Variants in SGCZ observed in about 807,000 individuals in gnomAD.
SGCZ encodes the protein sarcoglycan zeta.
A neutral mutation model predicts 41.3 loss-of-function variants in SGCZ; 40 were observed. The ratio of observed to expected loss-of-function variants is 0.97; its 90% confidence interval spans 0.75 to 1.26. The LOEUF (loss-of-function observed/expected upper bound fraction) is 1.26. Ranked by LOEUF, SGCZ falls within the 50% of genes most tolerant of loss-of-function variation. SGCZ has a pLI of 0.00. For missense variants in SGCZ, 552 were observed against 369.8 expected, an observed-to-expected ratio of 1.49 and a Z score of -4.04; for synonymous variants, 206 against 137.5, an observed-to-expected ratio of 1.50 and a Z score of -3.49.
chr8:14,298,299 G>A (rs1329750389), intron 3 of SGCZ, among the ~76,000 whole-genome samples: 1 of 151,782 alleles, frequency 6.6e-6, no homozygotes, highest in African/African-American at 2.4e-5. Flanking sequence ...TTGGAAATAA[G>A]ATAAAGATAT....
chr8:14,532,573 A>T (rs977738736), intron 2 of SGCZ, among the ~76,000 whole-genome samples: 1 of 152,040 alleles, frequency 6.6e-6, no homozygotes, highest in Non-Finnish European at 1.5e-5. Context: ...CAAGTGGAAT[A>T]GCATTCCCTT....
intron 1 of SGCZ, among the ~76,000 whole-genome samples, chr8:14,900,697 C>G (rs1162936060): frequency 2.6e-5 from 4 of 152,158 alleles, no homozygotes; most frequent in African/African-American, 2.4e-5. Flanking sequence ...TGAATATCCT[C>G]TCATTTGCAG....
At chr8:15,138,483 G>C (rs1808199370) in intron 1 of SGCZ, among the ~76,000 whole-genome samples, 2 of 152,062 alleles carry the variant, frequency 1.3e-5, no homozygotes, top group Non-Finnish European at 2.9e-5. Flanking sequence ...ATCTTGAATT[G>C]TAGCTCCCAT....
chr8:15,191,929 C>G (rs929390235), intron 1 of SGCZ, among the ~76,000 whole-genome samples: 1 of 152,018 alleles, frequency 6.6e-6, no homozygotes. Flanking sequence ...TGAGATTTAG[C>G]TCTCATTATA....
Position 15,237,647 on chromosome 8 carries a change from G to A in SGCZ, c.-24C>T, listed in dbSNP as rs1336611794. 1 of 1,576,314 alleles carries A rather than the reference G, an allele frequency of 6.3e-7. No individual in the cohort carries two copies. Among genetic ancestry groups the A allele is most frequent in the Non-Finnish European group, 8.6e-7 (1 of 1,158,796 alleles). On this transcript the variant is annotated 5_prime_UTR_variant, in exon 1 of 8. Transcript: ENST00000382080. ...ATGGAGCGCAACTAAACGAAGTGGAGAGGAACCGGGCGAGTGGCACCCAAA... is the reference window on the plus strand; with the variant it reads ...ATGGAGCGCAACTAAACGAAGTGGAAAGGAACCGGGCGAGTGGCACCCAAA...
chr8:14,141,177 T>C (rs900227164), intron 5 of SGCZ, among the ~76,000 whole-genome samples: 1 of 152,156 alleles, frequency 6.6e-6, no homozygotes, highest in Admixed American at 6.5e-5. Flanking sequence ...TAATTCAAGA[T>C]GGATTAAAGA....
intron 7 of SGCZ, among the ~76,000 whole-genome samples, chr8:14,100,991 C>T (rs1481349649): frequency 1.3e-5 from 2 of 151,950 alleles, no homozygotes; most frequent in East Asian, 3.9e-4. Context: ...AACAGATTTA[C>T]ACTGTCAAGA....
chr8:14,450,760 T>C (rs1449912265), intron 2 of SGCZ, among the ~76,000 whole-genome samples: 3 of 152,280 alleles, frequency 2.0e-5, no homozygotes, highest in Non-Finnish European at 2.9e-5. Context: ...TTCTGTGCCA[T>C]TGCTACAGGG....
rs1253058746 is a variant in SGCZ, at chr8:14,103,934, A to AT, written c.621-1436dup. Among the ~76,000 whole-genome samples the AT allele has an allele frequency of 2.6e-5, 4 of 152,218 alleles. No homozygotes were observed. The East Asian group carries it at 7.7e-4, about 29-fold the overall frequency. The stretch of plus-strand genomic sequence containing the variant: ...TGTTAAAATGTATTTTTTATCACTG[A>AT]TTTTCCCTGATACACAACCCTTCTA... On this transcript the variant is annotated intron_variant, in intron 6 of 7. Transcript: ENST00000382080.
intron 1 of SGCZ, among the ~76,000 whole-genome samples, chr8:14,939,279 T>A (rs1449151906): frequency 6.6e-6 from 1 of 152,150 alleles, no homozygotes; most frequent in Non-Finnish European, 1.5e-5. Flanking sequence ...CTAAAGACAC[T>A]CTGTGTCTCC....
chr8:15,202,710 T>C (rs1800928260), intron 1 of SGCZ, among the ~76,000 whole-genome samples: 1 of 152,124 alleles, frequency 6.6e-6, no homozygotes, highest in Non-Finnish European at 1.5e-5. Flanking sequence ...AAGTCAGACA[T>C]TTTACATATA....
chr8:15,170,969 T>C (rs992815032), intron 1 of SGCZ, among the ~76,000 whole-genome samples: 1 of 152,228 alleles, frequency 6.6e-6, no homozygotes, highest in Non-Finnish European at 1.5e-5. Flanking sequence ...GTGTGTATTC[T>C]AACATTCTAA....
chr8:15,210,817 A>G (rs1309317732), intron 1 of SGCZ, among the ~76,000 whole-genome samples: 3 of 152,008 alleles, frequency 2.0e-5, no homozygotes, highest in African/African-American at 2.4e-5. Context: ...GCAATCTCCT[A>G]TTGGCCGTTT....
chr8:14,391,181 A>C (rs1261774268), intron 2 of SGCZ, among the ~76,000 whole-genome samples: 1 of 152,164 alleles, frequency 6.6e-6, no homozygotes, highest in Non-Finnish European at 1.5e-5. Flanking sequence ...AGGTTTGAGA[A>C]TGGAAAAAGT....
At chr8:14,731,181 T>C (rs966734289) in intron 1 of SGCZ, among the ~76,000 whole-genome samples, 15 of 151,750 alleles carry the variant, frequency 9.9e-5, no homozygotes, top group Non-Finnish European at 2.2e-4. Context: ...GTGGCACATA[T>C]ACACCATGGA....
intron 1 of SGCZ, among the ~76,000 whole-genome samples, chr8:14,688,288 G>T (rs1449927545): frequency 1.3e-5 from 2 of 152,128 alleles, no homozygotes; most frequent in Admixed American, 6.6e-5. Flanking sequence ...GTCCTGAATG[G>T]TAATGCCTAG....
chr8:15,156,389 G>C (rs992293721), intron 1 of SGCZ, among the ~76,000 whole-genome samples: 2 of 152,146 alleles, frequency 1.3e-5, no homozygotes, highest in Non-Finnish European at 2.9e-5. Context: ...CTTATCACCT[G>C]TCCTAAGAGA....
chr8:14,721,900 T>C (rs1046278643), intron 1 of SGCZ, among the ~76,000 whole-genome samples: 3 of 152,176 alleles, frequency 2.0e-5, no homozygotes, highest in Non-Finnish European at 4.4e-5. Context: ...CTGTCCTCTA[T>C]GTCCTGTTCC....
chr8:14,343,595 A>G (rs554643536), intron 2 of SGCZ, among the ~76,000 whole-genome samples: 2 of 152,344 alleles, frequency 1.3e-5, no homozygotes, highest in East Asian at 3.9e-4. Context: ...CAGAACAAAA[A>G]TTAAATACTA....
Sources: allele counts gnomAD v4.1 joint callset (sites outside exome capture counted in the v4.1 genomes callset), GRCh38; gene constraint gnomAD v4.1.1; transcripts MANE v1.5; gene names NCBI Gene and HGNC (gene_info 2026-07-23, HGNC 2026-07-21).